Variants in SLCO5A1 observed in about 807,000 individuals in gnomAD.
The protein encoded by SLCO5A1 is solute carrier organic anion transporter family member 5A1.
Under a neutral mutation model 65.1 loss-of-function variants are expected in SLCO5A1, and 39 were observed. The ratio of observed to expected loss-of-function variants is 0.60; its 90% CI spans 0.46 to 0.78. The LOEUF (loss-of-function observed/expected upper bound fraction) is 0.78, where lower values mean the gene tolerates loss of function less well. Among genes scored for constraint, SLCO5A1 ranks in the 30% least tolerant of loss-of-function variants. SLCO5A1 has a pLI of 0.00. For missense variants in SLCO5A1, 1,029 were observed against 1,069.4 expected (o/e 0.96, Z 0.53); for synonymous variants, 438 against 415.7 (o/e 1.05, Z -0.65).
At chr8:69,799,855 A>G (rs1320524570) in intron 2 of SLCO5A1, among the ~76,000 whole-genome samples, 2 of 152,214 alleles carry the variant, frequency 1.3e-5, no homozygotes, top group African/African-American at 4.8e-5. Context: ...GGATTAGGGG[A>G]ACTACAATTT....
At chr8:69,724,038 G>C (rs1586728209) in intron 5 of SLCO5A1, among the ~76,000 whole-genome samples, 1 of 152,254 alleles carries the variant, frequency 6.6e-6, no homozygotes, top group Middle Eastern at 3.4e-3. Flanking sequence ...CTTCCAAAGT[G>C]CTGGCATTAC....
intron 4 of SLCO5A1, among the ~76,000 whole-genome samples, chr8:69,746,417 G>A (rs1817030908): frequency 1.3e-5 from 2 of 152,096 alleles, no homozygotes; most frequent in Non-Finnish European, 2.9e-5. Context: ...GCAGCTTAAA[G>A]GGACTAAAGT....
chr8:69,709,248 T>C (rs1424326433), intron 5 of SLCO5A1, among the ~76,000 whole-genome samples: 1 of 152,180 alleles, frequency 6.6e-6, no homozygotes, highest in Non-Finnish European at 1.5e-5. Flanking sequence ...CAGAGAGGAC[T>C]TAAACACATT....
intron 6 of SLCO5A1, among the ~76,000 whole-genome samples, chr8:69,690,612 G>A (rs1253399607): frequency 6.6e-6 from 1 of 152,226 alleles, no homozygotes; most frequent in Non-Finnish European, 1.5e-5. Context: ...AGTTGTGCAT[G>A]TGGCAAAGGT....
chr8:69,834,905 G>A lies in SLCO5A1; in HGVS notation c.-548C>T, dbSNP rs73287590. 0.028 allele frequency: 4,273 copies of A among 152,728 alleles called. 185 individuals carry two copies. Among genetic ancestry groups the A allele is most frequent in the African/African-American group, 0.096 (3,974 of 41,550 alleles). The allele number at this position is 152,728 out of a possible 1,614,324, so 9.5% of individuals were successfully genotyped here. ...GGCTGAGTAGAGCGGCGGGAGGGGG[G>A]CACTGAGCTACGGGAATAGTTGGGA... On this transcript the variant is annotated 5_prime_UTR_variant, in exon 1 of 10. Transcript: ENST00000260126.
At chr8:69,715,198 A>G (rs1815454334) in intron 5 of SLCO5A1, among the ~76,000 whole-genome samples, 1 of 152,246 alleles carries the variant, frequency 6.6e-6, no homozygotes, top group African/African-American at 2.4e-5. Context: ...TAGTGCTGGG[A>G]AACTGAAGGT....
At chr8:69,738,464 T>A (rs1816660680) in intron 4 of SLCO5A1, among the ~76,000 whole-genome samples, 1 of 152,120 alleles carries the variant, frequency 6.6e-6, no homozygotes, top group Admixed American at 6.5e-5. Flanking sequence ...AATATCCTTA[T>A]AAGCAGTACC....
intron 5 of SLCO5A1, among the ~76,000 whole-genome samples, chr8:69,726,390 A>G (rs1201908822): frequency 1.3e-5 from 2 of 152,126 alleles, no homozygotes; most frequent in Admixed American, 6.5e-5. Flanking sequence ...TTGTATTTTT[A>G]TCATTGATAT....
At position 69,832,678 on chromosome 8, in the gene SLCO5A1, C is replaced by T. The variant is rs1359005984; in HGVS notation, c.-5G>A. 6.3e-6 allele frequency: 10 copies of T among 1,585,224 alleles called. No homozygotes were observed. Among genetic ancestry groups the T allele is most frequent in the Non-Finnish European group, 6.8e-6 (8 of 1,174,608 alleles). On this transcript the variant is annotated 5_prime_UTR_variant, in exon 2 of 10. Coordinates refer to ENST00000260126, the MANE Select transcript of SLCO5A1 (RefSeq NM_030958.3). The surrounding 1 kb of genome is among the most constrained non-coding windows in gnomAD (Gnocchi z 4.5). ...CAGTCCAGTGCCTTCGTCCATGGCG[C>T]TTAGAATTCAGATTTGATAGCTGAT...
At chr8:69,799,746 T>C (rs576465901) in intron 2 of SLCO5A1, among the ~76,000 whole-genome samples, 55 of 152,284 alleles carry the variant, frequency 3.6e-4, no homozygotes, top group Non-Finnish European at 6.5e-4. Flanking sequence ...AAGCCCCTTA[T>C]AAAACCATCA....
intron 2 of SLCO5A1, among the ~76,000 whole-genome samples, chr8:69,797,625 GC>G (rs912705136): frequency 2.0e-5 from 3 of 152,224 alleles, no homozygotes; most frequent in African/African-American, 7.2e-5. Flanking sequence ...CCACTTCGTG[GC>G]GGGGGGTGGC....
chr8:69,733,046 T>TTCA (rs1424726097), intron 5 of SLCO5A1, among the ~76,000 whole-genome samples: 4 of 152,302 alleles, frequency 2.6e-5, no homozygotes, highest in African/African-American at 9.6e-5. Flanking sequence ...TAATATCTAC[T>TTCA]TCATAGGCAT....
chr8:69,751,563 G>A (rs1462271143), intron 4 of SLCO5A1, among the ~76,000 whole-genome samples: 7 of 138,426 alleles, frequency 5.1e-5, no homozygotes, highest in Non-Finnish European at 7.7e-5. Context: ...TTTTTTTTTC[G>A]TGAGACGCAG....
At chr8:69,692,404 G>C (rs1257540910) in intron 6 of SLCO5A1, among the ~76,000 whole-genome samples, 1 of 152,218 alleles carries the variant, frequency 6.6e-6, no homozygotes, top group Non-Finnish European at 1.5e-5. Flanking sequence ...GTGCACTGCT[G>C]TAGTCTTCAT....
At chr8:69,720,437 A>G (rs1401707165) in intron 5 of SLCO5A1, among the ~76,000 whole-genome samples, 1 of 152,264 alleles carries the variant, frequency 6.6e-6, no homozygotes, top group African/African-American at 2.4e-5. Context: ...ATTTTCACCA[A>G]AATGAAGACT....
At chr8:69,736,600 A>G (rs991616145) in intron 5 of SLCO5A1, among the ~76,000 whole-genome samples, 18 of 152,160 alleles carry the variant, frequency 1.2e-4, no homozygotes, top group South Asian at 2.1e-4. Flanking sequence ...ATCAGGTTTC[A>G]TGGTCAAATG....
At chr8:69,741,746 ACCAAAT>A (rs1179440966) in intron 4 of SLCO5A1, among the ~76,000 whole-genome samples, 4 of 152,220 alleles carry the variant, frequency 2.6e-5, no homozygotes, top group Admixed American at 2.6e-4. Flanking sequence ...AGGAAATATC[ACCAAAT>A]CCAAATTGAA....
At chr8:69,784,526 G>A (rs1298925097) in intron 2 of SLCO5A1, among the ~76,000 whole-genome samples, 1 of 152,094 alleles carries the variant, frequency 6.6e-6, no homozygotes, top group Admixed American at 6.5e-5. Flanking sequence ...GGTGGCTCAC[G>A]CCTGTAATCC....
intron 3 of SLCO5A1, among the ~76,000 whole-genome samples, chr8:69,759,367 A>AT (rs1817661549): frequency 1.3e-5 from 2 of 152,228 alleles, no homozygotes; most frequent in East Asian, 3.9e-4. Context: ...GCCATTAAAA[A>AT]TGGATAAAAT....
Sources: allele counts gnomAD v4.1 joint callset (sites outside exome capture counted in the v4.1 genomes callset), GRCh38; gene constraint gnomAD v4.1.1; non-coding constraint Gnocchi (gnomAD v3.1); transcripts MANE v1.5; gene names NCBI Gene and HGNC (gene_info 2026-07-23, HGNC 2026-07-21).